The following ENOX1 variants were observed in gnomAD, a reference collection of about 807,000 sequenced individuals.
ENOX1 encodes ecto-NOX disulfide-thiol exchanger 1.
Under a neutral mutation model 82.5 loss-of-function variants are expected in ENOX1, and 42 were observed. The observed-to-expected ratio is 0.51, with a 90% CI of 0.40 to 0.66. The LOEUF (loss-of-function observed/expected upper bound fraction) is 0.66. Ranked by LOEUF, ENOX1 falls within the 30% of genes least tolerant of loss-of-function variation. The pLI is 0.00. For synonymous variants in ENOX1, 271 were observed against 282.2 expected (o/e 0.96, Z 0.40); for missense variants, 608 against 811.6 (o/e 0.75, Z 3.05).
intron 1 of ENOX1, among the ~76,000 whole-genome samples, chr13:43,713,623 C>T (rs2087893129): frequency 6.6e-6 from 1 of 152,170 alleles, no homozygotes; most frequent in Non-Finnish European, 1.5e-5. Flanking sequence ...GAGTCAACTT[C>T]TTCCTGGTTT....
intron 2 of ENOX1, among the ~76,000 whole-genome samples, chr13:43,601,086 G>A (rs1027665409): frequency 6.6e-6 from 1 of 152,094 alleles, no homozygotes; most frequent in South Asian, 2.1e-4. Context: ...CCCAGACTAT[G>A]AGGACTACAA....
intron 1 of ENOX1, among the ~76,000 whole-genome samples, chr13:43,785,605 G>A (rs1240234296): frequency 6.6e-6 from 1 of 152,218 alleles, no homozygotes; most frequent in African/African-American, 2.4e-5. Context: ...GGAGAGAAAA[G>A]GAGAGAAGCA....
chr13:43,452,491 GT>G (rs1295601722), intron 3 of ENOX1, among the ~76,000 whole-genome samples: 1 of 152,088 alleles, frequency 6.6e-6, no homozygotes, highest in Non-Finnish European at 1.5e-5. Flanking sequence ...TGGTGTATAT[GT>G]GCCACATTTT....
chr13:43,235,058 G>A (rs745409466), intron 15 of ENOX1, among the ~76,000 whole-genome samples: 10 of 152,078 alleles, frequency 6.6e-5, no homozygotes, highest in Non-Finnish European at 1.2e-4. Flanking sequence ...AGCATTATAG[G>A]GAAAAATCAC....
intron 12 of ENOX1, among the ~76,000 whole-genome samples, chr13:43,273,332 T>A (rs1271486473): frequency 1.3e-5 from 2 of 152,112 alleles, no homozygotes; most frequent in African/African-American, 4.8e-5. Context: ...CCCCCTGCCA[T>A]TTACCCGACA....
At chr13:43,408,308 A>C (rs754171151) in intron 5 of ENOX1, among the ~76,000 whole-genome samples, 4 of 152,234 alleles carry the variant, frequency 2.6e-5, no homozygotes, top group Non-Finnish European at 5.9e-5. Flanking sequence ...ATCTCTCAAT[A>C]AATTGAAGAA....
intron 2 of ENOX1, among the ~76,000 whole-genome samples, chr13:43,559,932 C>T (rs530977885): frequency 6.6e-6 from 1 of 152,264 alleles, no homozygotes; most frequent in East Asian, 1.9e-4. Context: ...TAAACTAAAA[C>T]TTTCAAGTAG....
intron 14 of ENOX1, among the ~76,000 whole-genome samples, chr13:43,236,940 C>T (rs2042580064): frequency 6.6e-6 from 1 of 152,178 alleles, no homozygotes; most frequent in African/African-American, 2.4e-5. Flanking sequence ...GTACTGCTCC[C>T]CGCATACCAA....
intron 3 of ENOX1, among the ~76,000 whole-genome samples, chr13:43,472,581 T>C (rs2058114939): frequency 6.6e-6 from 1 of 152,176 alleles, no homozygotes; most frequent in African/African-American, 2.4e-5. Context: ...GAGTAGGGCC[T>C]TGGAGACGAA....
At chr13:43,626,284 C>T (rs532045417) in intron 2 of ENOX1, among the ~76,000 whole-genome samples, 1 of 151,850 alleles carries the variant, frequency 6.6e-6, no homozygotes, top group Admixed American at 6.6e-5. Context: ...GCACTTTATT[C>T]CACTGATTTT....
At chr13:43,552,850 A>G (rs2079264803) in intron 2 of ENOX1, among the ~76,000 whole-genome samples, 1 of 152,206 alleles carries the variant, frequency 6.6e-6, no homozygotes. Flanking sequence ...ATAGCATATC[A>G]TTTTCTGTTA....
chr13:43,613,053 T>TA, intron 2 of ENOX1, among the ~76,000 whole-genome samples: 1 of 152,312 alleles, frequency 6.6e-6, no homozygotes, highest in African/African-American at 2.4e-5. Context: ...TACATTTTTT[T>TA]AAAACGTTGT....
intron 2 of ENOX1, among the ~76,000 whole-genome samples, chr13:43,642,801 G>A (rs1232632820): frequency 2.6e-5 from 4 of 152,110 alleles, no homozygotes; most frequent in Non-Finnish European, 5.9e-5. Context: ...TCTATTTAAT[G>A]GAATATCAAT....
intron 2 of ENOX1, among the ~76,000 whole-genome samples, chr13:43,652,403 A>C (rs1267272552): frequency 1.3e-5 from 2 of 152,208 alleles, no homozygotes; most frequent in Non-Finnish European, 2.9e-5. Context: ...ATGCTGGCAC[A>C]GAAGTTAGTG....
intron 2 of ENOX1, among the ~76,000 whole-genome samples, chr13:43,528,565 GTATTT>G (rs1187943894): frequency 6.6e-6 from 1 of 151,902 alleles, no homozygotes; most frequent in Non-Finnish European, 1.5e-5. Flanking sequence ...AAAATTATGA[GTATTT>G]TATTGTCCAT....
chr13:43,466,347 G>A (rs1008324339), intron 3 of ENOX1, among the ~76,000 whole-genome samples: 30 of 152,058 alleles, frequency 2.0e-4, no homozygotes, highest in Admixed American at 1.9e-3. Flanking sequence ...ATGCATCTCT[G>A]AAAATTCTAC....
chr13:43,280,075 T>G (rs904385032), intron 12 of ENOX1, among the ~76,000 whole-genome samples: 2 of 152,238 alleles, frequency 1.3e-5, no homozygotes, highest in African/African-American at 4.8e-5. Flanking sequence ...TTATGTGAGG[T>G]GGTCATCACC....
At chr13:43,327,010 T>C (rs544826182) in intron 9 of ENOX1, among the ~76,000 whole-genome samples, 9 of 152,212 alleles carry the variant, frequency 5.9e-5, no homozygotes, top group Non-Finnish European at 1.5e-5. Flanking sequence ...CAAGACATTA[T>C]CATGTCCAAG....
At chr13:43,462,631 A>G (rs965059395) in intron 3 of ENOX1, among the ~76,000 whole-genome samples, 1 of 152,238 alleles carries the variant, frequency 6.6e-6, no homozygotes, top group South Asian at 2.1e-4. Flanking sequence ...CACTGGTGTG[A>G]ACAACATTAT....
Sources: allele counts gnomAD v4.1 joint callset (sites outside exome capture counted in the v4.1 genomes callset), GRCh38; gene constraint gnomAD v4.1.1; transcripts MANE v1.5; gene names NCBI Gene and HGNC (gene_info 2026-07-23, HGNC 2026-07-21).